The following ZNF804B variants were observed in gnomAD, a reference collection of about 807,000 sequenced individuals.
ZNF804B encodes zinc finger protein 804B, also known as zinc finger 804B.
ZNF804B carries 80 observed loss-of-function variants against 101.4 expected under a neutral mutation model. The observed-to-expected ratio is 0.79, with a 90% CI of 0.66 to 0.95. The LOEUF (loss-of-function observed/expected upper bound fraction) is 0.95, where lower values mean the gene tolerates loss of function less well. ZNF804B is among the 40% of genes least tolerant of loss of function. ZNF804B has a pLI of 0.00. For synonymous variants in ZNF804B, 622 were observed against 558.8 expected, an observed-to-expected ratio of 1.11 and a Z score of -1.59; for missense variants, 1,673 against 1,561.9, an observed-to-expected ratio of 1.07 and a Z score of -1.20.
At chr7:89,014,347 T>C (rs1788508135) in intron 1 of ZNF804B, among the ~76,000 whole-genome samples, 1 of 152,222 alleles carries the variant, frequency 6.6e-6, no homozygotes, top group African/African-American at 2.4e-5. Context: ...AGTCTCACTC[T>C]GTTGCCCAGG....
chr7:89,275,959 A>G lies in ZNF804B; in HGVS notation c.250-51385A>G, dbSNP rs188814108. Among the ~76,000 whole-genome samples, 43 of 152,016 alleles carry G rather than the reference A, an allele frequency of 2.8e-4. 2 individuals are homozygous for G. The highest frequency in any genetic ancestry group is 9.7e-4 in the African/African-American group (40 of 41,304). On this transcript the variant is annotated intron_variant, in intron 2 of 3. Coordinates refer to ENST00000333190, the MANE Select transcript of ZNF804B (RefSeq NM_181646.5). ...GATAGACTAGATAAAAAAATGTGGT[A>G]CATAAACACCATGGAATACTATGCA... is the stretch of plus-strand genomic sequence containing the variant.
intron 1 of ZNF804B, among the ~76,000 whole-genome samples, chr7:89,198,251 A>G (rs1262978976): frequency 6.6e-6 from 1 of 151,902 alleles, no homozygotes; most frequent in Admixed American, 6.6e-5. Flanking sequence ...GCTTTTAACT[A>G]TTAAACAGGC....
chr7:89,315,045 C>T (rs1052869144), intron 2 of ZNF804B, among the ~76,000 whole-genome samples: 5 of 152,132 alleles, frequency 3.3e-5, no homozygotes, highest in African/African-American at 1.2e-4. Flanking sequence ...GCAGACTGCA[C>T]AGGAAGTATG....
chr7:88,909,914 T>C (rs1792523992), intron 1 of ZNF804B, among the ~76,000 whole-genome samples: 1 of 151,876 alleles, frequency 6.6e-6, no homozygotes, highest in South Asian at 2.1e-4. Flanking sequence ...ATTTCTGTTA[T>C]TAGCTGCCTT....
chr7:89,142,903 A>G (rs1790738010), intron 1 of ZNF804B, among the ~76,000 whole-genome samples: 1 of 152,018 alleles, frequency 6.6e-6, no homozygotes, highest in Admixed American at 6.6e-5. Context: ...ATTGCAAACT[A>G]ACACCAAAAT....
intron 1 of ZNF804B, among the ~76,000 whole-genome samples, chr7:88,968,479 G>A (rs575146558): frequency 7.9e-5 from 12 of 151,524 alleles, no homozygotes; most frequent in South Asian, 2.1e-4. Context: ...ATCCATCCAC[G>A]TTCCTAGGCT....
At chr7:89,025,049 C>G (rs1428835505) in intron 1 of ZNF804B, among the ~76,000 whole-genome samples, 2 of 152,056 alleles carry the variant, frequency 1.3e-5, no homozygotes. Context: ...CCACTCCACT[C>G]CTCTTCTAAA....
At chr7:89,124,868 G>A in intron 1 of ZNF804B, among the ~76,000 whole-genome samples, 1 of 151,980 alleles carries the variant, frequency 6.6e-6, no homozygotes, top group Admixed American at 6.6e-5. Flanking sequence ...GTAGTCTCAG[G>A]TCAGAAAGAC....
chr7:89,142,302 CTTT>C (rs1434913282), intron 1 of ZNF804B, among the ~76,000 whole-genome samples: 4 of 146,352 alleles, frequency 2.7e-5, no homozygotes, highest in Non-Finnish European at 5.9e-5. Context: ...TTTTATTTTT[CTTT>C]TGTTGTTGTT....
intron 1 of ZNF804B, among the ~76,000 whole-genome samples, chr7:88,800,554 G>A (rs182360443): frequency 6.6e-6 from 1 of 152,178 alleles, no homozygotes; most frequent in East Asian, 1.9e-4. Context: ...CCATGACTAT[G>A]TTTAGTACAG....
At chr7:88,868,046 T>TGA (rs1171941474) in intron 1 of ZNF804B, among the ~76,000 whole-genome samples, 9 of 119,934 alleles carry the variant, frequency 7.5e-5, no homozygotes, top group African/African-American at 2.7e-4. Flanking sequence ...TGTGTGTGTG[T>TGA]GAGTGTGTGT....
intron 1 of ZNF804B, among the ~76,000 whole-genome samples, chr7:89,102,885 T>G (rs1790077179): frequency 6.6e-6 from 1 of 151,772 alleles, no homozygotes; most frequent in South Asian, 2.1e-4. Context: ...GGTGTCCAGC[T>G]TCATTCTTCT....
At chr7:89,327,199 T>G in intron 2 of ZNF804B, 145 bp from the exon 3 acceptor site, 1 of 681,988 alleles carries the variant, frequency 1.5e-6, no homozygotes, top group Admixed American at 3.8e-5. Context: ...GAGCAGAGAA[T>G]AGCAACAATG....
intron 1 of ZNF804B, among the ~76,000 whole-genome samples, chr7:89,002,942 A>C (rs542395538): frequency 5.9e-5 from 9 of 152,120 alleles, no homozygotes; most frequent in African/African-American, 2.2e-4. Context: ...ATGTGATTTC[A>C]GTATAACTCT....
chr7:89,199,634 A>G (rs1163100427), intron 1 of ZNF804B, among the ~76,000 whole-genome samples: 1 of 151,856 alleles, frequency 6.6e-6, no homozygotes, highest in African/African-American at 2.4e-5. Context: ...CGAAGCTCTG[A>G]TTTAAACTCA....
chr7:89,207,681 A>G, intron 1 of ZNF804B, among the ~76,000 whole-genome samples: 1 of 152,226 alleles, frequency 6.6e-6, no homozygotes, highest in Admixed American at 6.5e-5. Flanking sequence ...GAGTTTTTAT[A>G]CCACCATATA....
chr7:89,205,976 G>T (rs192699348), intron 1 of ZNF804B, among the ~76,000 whole-genome samples: 1 of 152,276 alleles, frequency 6.6e-6, no homozygotes, highest in African/African-American at 2.4e-5. Context: ...AAATCTAGGC[G>T]GAGGTTCCCA....
intron 2 of ZNF804B, among the ~76,000 whole-genome samples, chr7:89,242,625 C>A (rs1406442273): frequency 9.9e-5 from 15 of 150,984 alleles, no homozygotes; most frequent in South Asian, 8.3e-4. Context: ...TCATATTATA[C>A]ATTGAAAAAA....
At chr7:89,032,215 T>A (rs1177247792) in intron 1 of ZNF804B, among the ~76,000 whole-genome samples, 1 of 150,648 alleles carries the variant, frequency 6.6e-6, no homozygotes, top group African/African-American at 2.4e-5. Flanking sequence ...TAGGAGCATT[T>A]CAAAGAAGAC....
Sources: allele counts gnomAD v4.1 joint callset (sites outside exome capture counted in the v4.1 genomes callset), GRCh38; gene constraint gnomAD v4.1.1; transcripts MANE v1.5; gene names NCBI Gene and HGNC (gene_info 2026-07-23, HGNC 2026-07-21).